Variants in NECTIN3 observed in about 807,000 individuals in gnomAD.
NECTIN3 encodes the protein nectin cell adhesion molecule 3.
In NECTIN3, 8 loss-of-function variants were observed where a neutral mutation model predicts 49.4. The observed-to-expected ratio is 0.16, with a 90% CI of 0.10 to 0.29. The LOEUF (loss-of-function observed/expected upper bound fraction) is 0.29, where lower values mean the gene tolerates loss of function less well. Among genes scored for constraint, NECTIN3 ranks in the 10% least tolerant of loss-of-function variants. The pLI, the probability that NECTIN3 is intolerant of heterozygous loss-of-function variation, is 1.00. For missense variants in NECTIN3, 581 were observed against 654.6 expected, an observed-to-expected ratio of 0.89 and a Z score of 1.23; for synonymous variants, 277 against 241.1, an observed-to-expected ratio of 1.15 and a Z score of -1.38.
intron 1 of NECTIN3, among the ~76,000 whole-genome samples, chr3:111,102,635 A>C (rs1450477093): frequency 6.6e-6 from 1 of 152,196 alleles, no homozygotes; most frequent in Non-Finnish European, 1.5e-5. Flanking sequence ...TCAGAGCAGA[A>C]ATTTTTAATT....
intron 4 of NECTIN3, among the ~76,000 whole-genome samples, chr3:111,123,481 G>A (rs183656007): frequency 6.6e-6 from 1 of 152,232 alleles, no homozygotes; most frequent in African/African-American, 2.4e-5. Context: ...ATCAGGTAGA[G>A]ATGTGATTAT....
intron 7 of NECTIN3, among the ~76,000 whole-genome samples, chr3:111,150,916 A>G (rs1437426555): frequency 6.6e-6 from 1 of 151,968 alleles, no homozygotes; most frequent in Non-Finnish European, 1.5e-5. Context: ...GTTTAAATGA[A>G]TAACATGATA....
intron 1 of NECTIN3, among the ~76,000 whole-genome samples, chr3:111,082,532 A>G (rs1040387149): frequency 2.0e-5 from 3 of 152,188 alleles, no homozygotes; most frequent in African/African-American, 7.2e-5. Context: ...GTTGATAAAT[A>G]AATGAATACA....
intron 7 of NECTIN3, among the ~76,000 whole-genome samples, chr3:111,177,877 TC>T (rs1371000554): frequency 1.3e-5 from 2 of 152,234 alleles, no homozygotes; most frequent in Non-Finnish European, 2.9e-5. Context: ...TATTTGGATA[TC>T]ATTTGCCTGC....
rs1221398514 is a variant in NECTIN3, at chr3:111,135,110, T to TTTTC, written c.*896_*897insTTCT. ...ATTTCGGAATACTGAAGTACTAGTTTTAGAAATGAGACTTTCAGCCAACAA... is the reference window on the plus strand; with the variant it reads ...ATTTCGGAATACTGAAGTACTAGTTTTTTCTAGAAATGAGACTTTCAGCCAACAA... On this transcript the variant is annotated 3_prime_UTR_variant, in exon 6 of 6. Transcript: ENST00000485303. 1.6e-5 allele frequency: 16 copies of TTTTC among 979,700 alleles called. No homozygotes were observed. Among genetic ancestry groups the TTTTC allele is most frequent in the Non-Finnish European group, 1.9e-5 (16 of 824,936 alleles). The allele number at this position is 979,700 out of a possible 1,614,324, so 60.7% of individuals were successfully genotyped here. A position where few individuals can be genotyped will look rare whatever the true frequency, so the allele number is the denominator to read the frequency against.
chr3:111,117,402 T>C (rs2033732777), intron 2 of NECTIN3, among the ~76,000 whole-genome samples: 1 of 152,024 alleles, frequency 6.6e-6, no homozygotes, highest in Admixed American at 6.6e-5. Context: ...TTTTAAGATG[T>C]AGTAGAGGAA....
intron 7 of NECTIN3, among the ~76,000 whole-genome samples, chr3:111,180,879 T>TC (rs2035613706): frequency 6.6e-6 from 1 of 152,194 alleles, no homozygotes; most frequent in African/African-American, 2.4e-5. Flanking sequence ...GTTTACTTAA[T>TC]CTCCCTACCC....
Position 111,136,404 on chromosome 3 carries a change from G to C in NECTIN3, c.*2189G>C, listed in dbSNP as rs974599377. On this transcript the variant is annotated 3_prime_UTR_variant, in exon 6 of 6. Transcript: ENST00000485303. Reference sequence around the variant, plus strand: ...TTGGCGGGAGAGGGTGACCTGGAAAGCCACAAGTGAGTATTTGACATATTC... The same window carrying C: ...TTGGCGGGAGAGGGTGACCTGGAAACCCACAAGTGAGTATTTGACATATTC... 1.0e-6 allele frequency: 1 copy of C among 984,490 alleles called. No individual in the cohort carries two copies. The highest frequency in any genetic ancestry group is 1.7e-5 in the African/African-American group (1 of 57,148). The allele number at this position is 984,490 out of a possible 1,614,324, so 61.0% of individuals were successfully genotyped here.
At chr3:111,157,481 C>T (rs1019234576) in intron 7 of NECTIN3, among the ~76,000 whole-genome samples, 5 of 151,958 alleles carry the variant, frequency 3.3e-5, no homozygotes, top group African/African-American at 7.2e-5. Flanking sequence ...TTCCACAGAG[C>T]CAAACTCCAT....
At chr3:111,161,873 C>T (rs2035219267) in intron 7 of NECTIN3, among the ~76,000 whole-genome samples, 1 of 152,146 alleles carries the variant, frequency 6.6e-6, no homozygotes, top group South Asian at 2.1e-4. Flanking sequence ...TACAGTATAT[C>T]AAGGAAGTTC....
chr3:111,129,463 T>C (rs1290999688), intron 5 of NECTIN3, among the ~76,000 whole-genome samples: 2 of 152,166 alleles, frequency 1.3e-5, no homozygotes, highest in African/African-American at 4.8e-5. Flanking sequence ...ATGTTTAGCA[T>C]ATGATAGACG....
intron 7 of NECTIN3, among the ~76,000 whole-genome samples, chr3:111,152,564 T>G (rs552054591): frequency 9.9e-5 from 15 of 152,008 alleles, no homozygotes; most frequent in African/African-American, 3.6e-4. Flanking sequence ...TGGACAAAAT[T>G]GTGATGAACC....
rs1330085600 is a variant in NECTIN3 at position 111,147,463 on chromosome 3, G to C, written c.1200G>C (p.Leu400Phe). 5 of 1,528,894 alleles carry C rather than the reference G, an allele frequency of 3.3e-6. No homozygotes were observed. In the East Asian group the frequency reaches 9.8e-5, roughly 30 times the overall value. 94.7% of individuals were successfully genotyped at this position (1,528,894 alleles called of 1,614,324 possible). The change falls in exon 7 of 9, where the codon TTG (leucine) becomes TTC (phenylalanine). Residue 400 changes from leucine to phenylalanine, a missense_variant. Transcript: ENST00000493615. ...TGTATGAAGAACGATCCCCACCTTT[G>C]CCTCAGAAAGACCTATTTCAGGTAT...
At chr3:111,099,584 C>T (rs148234992) in intron 1 of NECTIN3, among the ~76,000 whole-genome samples, 48 of 152,252 alleles carry the variant, frequency 3.2e-4, no homozygotes, top group African/African-American at 1.1e-3. Flanking sequence ...TTAATATGTG[C>T]TATGCATCCT....
rs1047553381 is a variant in NECTIN3 at position 111,135,778 on chromosome 3, A to G, written c.*1563A>G. 3.1e-6 allele frequency: 3 copies of G among 957,290 alleles called. No individual in the cohort carries two copies. The African/African-American group carries it at 5.3e-5, about 17-fold the overall frequency. 59.3% of individuals were successfully genotyped at this position (957,290 alleles called of 1,614,324 possible). A position where few individuals can be genotyped will look rare whatever the true frequency, so the allele number is the denominator to read the frequency against. On this transcript the variant is annotated 3_prime_UTR_variant, in exon 6 of 6. Coordinates refer to ENST00000485303, the MANE Select transcript of NECTIN3 (RefSeq NM_015480.3). ...CTAACATGTTCATGGTATCTTGCAA[A>G]TAGTGAAAGCTTTATTCTGAAGGAT...
chr3:111,085,331 G>C lies in NECTIN3; in HGVS notation c.160+13154G>C, dbSNP rs1362277129. Among the ~76,000 whole-genome samples the C allele has an allele frequency of 2.0e-5, 3 of 152,196 alleles. No homozygotes were observed. In the East Asian group the frequency reaches 5.8e-4, roughly 29 times the overall value. The stretch of plus-strand genomic sequence containing the variant: ...CTGTGAGATTTTAGGCTTGATTAAA[G>C]TCAAAGTGCCAGTTAAATGCAGCAT... On this transcript the variant is annotated intron_variant, in intron 1 of 5. Transcript: ENST00000485303.
intron 4 of NECTIN3, among the ~76,000 whole-genome samples, chr3:111,125,085 G>T (rs1164378619): frequency 7.6e-6 from 1 of 131,894 alleles, no homozygotes; most frequent in Non-Finnish European, 1.5e-5. Context: ...CTAGAGTGCA[G>T]TAGTGCCATC....
intron 1 of NECTIN3, among the ~76,000 whole-genome samples, chr3:111,109,001 T>C (rs566775974): frequency 6.6e-6 from 1 of 152,266 alleles, no homozygotes; most frequent in African/African-American, 2.4e-5. Context: ...AGACATTTAT[T>C]TCTCACATTT....
chr3:111,126,247 AT>A lies in NECTIN3; in HGVS notation c.983del (p.Leu328Ter). 1 of 1,610,178 alleles carries A rather than the reference AT, an allele frequency of 6.2e-7. No homozygotes were observed. The highest frequency in any genetic ancestry group is 8.5e-7 in the Non-Finnish European group (1 of 1,178,882). On this transcript the variant is annotated frameshift_variant, in exon 5 of 6. Transcript: ENST00000485303. LOFTEE classifies it high-confidence loss of function. The part of the protein sequence containing the change: ...SDNTLHFVHP[L>X]TFNYSGVYIC... ...ACAATACTCTTCATTTTGTCCATCC[AT>A]TGACTTTCAATTATTCTGGTGTTTA...
Sources: gnomAD v4.1 joint callset for allele counts (sites outside exome capture counted in the v4.1 genomes callset) on GRCh38, gnomAD v4.1.1 for gene constraint, MANE v1.5 for transcripts, NCBI Gene and HGNC (gene_info 2026-07-23, HGNC 2026-07-21) for gene names.